The following TESK2 variants were observed in gnomAD, a reference collection of about 807,000 sequenced individuals.
TESK2 encodes the protein dual specificity testis-specific protein kinase 2.
A neutral mutation model predicts 57.1 loss-of-function variants in TESK2; 39 were observed. The observed-to-expected ratio is 0.68, with a 90% CI of 0.53 to 0.89. TESK2 has a LOEUF of 0.89. TESK2 is among the 40% of genes least tolerant of loss of function. The probability of loss-of-function intolerance (pLI) is 0.00; values close to 1 mark genes in which losing one functional copy is unlikely to be tolerated. For missense variants in TESK2, 646 were observed against 732.1 expected, an observed-to-expected ratio of 0.88 and a Z score of 1.36; for synonymous variants, 249 against 267.9, an observed-to-expected ratio of 0.93 and a Z score of 0.69.
At chr1:45,432,546 C>T (rs1270886553) in intron 2 of TESK2, among the ~76,000 whole-genome samples, 1 of 150,666 alleles carries the variant, frequency 6.6e-6, no homozygotes, top group Non-Finnish European at 1.5e-5. Flanking sequence ...AAAAAATTAG[C>T]CGGGCATGGT....
At chr1:45,434,960 T>C (rs1651134570) in intron 2 of TESK2, among the ~76,000 whole-genome samples, 1 of 49,860 alleles carries the variant, frequency 2.0e-5, no homozygotes, top group African/African-American at 5.1e-5. Flanking sequence ...CTTTTCTTTC[T>C]TTTTTTTTTT....
At chr1:45,353,789 G>A (rs1647298675) in intron 5 of TESK2, among the ~76,000 whole-genome samples, 1 of 152,116 alleles carries the variant, frequency 6.6e-6, no homozygotes, top group African/African-American at 2.4e-5. Context: ...TGTCATGATG[G>A]TATCTTAGGC....
At chr1:45,360,631 A>G (rs1647643114) in intron 4 of TESK2, among the ~76,000 whole-genome samples, 1 of 152,198 alleles carries the variant, frequency 6.6e-6, no homozygotes, top group South Asian at 2.1e-4. Context: ...AAACTGGAAA[A>G]AGCGCAAACC....
chr1:45,456,771 G>T (rs1484332066), intron 2 of TESK2, among the ~76,000 whole-genome samples: 1 of 152,094 alleles, frequency 6.6e-6, no homozygotes, highest in Non-Finnish European at 1.5e-5. Flanking sequence ...AGGTATAAAG[G>T]CCAAGTAACT....
chr1:45,423,339 C>T (rs978851558), intron 2 of TESK2, among the ~76,000 whole-genome samples: 1 of 152,168 alleles, frequency 6.6e-6, no homozygotes, highest in Middle Eastern at 3.4e-3. Flanking sequence ...GGACAGATCA[C>T]GAGGTCACAA....
intron 1 of TESK2, among the ~76,000 whole-genome samples, chr1:45,461,326 C>T (rs910721443): frequency 1.3e-5 from 2 of 152,138 alleles, no homozygotes. Context: ...ACACTCCAAC[C>T]TGGGTGACAG....
Position 45,355,319 on chromosome 1 carries a change from C to T in TESK2, c.524G>A (p.Arg175Gln), listed in dbSNP as rs371218684. The T allele has an allele frequency of 5.0e-6, 8 of 1,613,898 alleles. No homozygotes were observed. In the East Asian group the frequency reaches 6.7e-5, roughly 13 times the overall value. Residue 175 changes from arginine (R) to glutamine (Q), a missense_variant, in exon 5 of 11, where the codon CGG (arginine) becomes CAG (glutamine). Arg to Gln is a conservative substitution (Grantham distance 43). Coordinates refer to ENST00000372086, the MANE Select transcript of TESK2 (RefSeq NM_007170.3). ...SYLHFKGIFH[R>Q]DLTSKNCLIK... ...CCTTCATACCTTAGATGTGAGGTCCCGATGAAAAATGCCTTTGAAGTGAAG... is the reference window on the plus strand; with the variant it reads ...CCTTCATACCTTAGATGTGAGGTCCTGATGAAAAATGCCTTTGAAGTGAAG...
At chr1:45,489,765 G>GCACTCCA (rs1653640452) in intron 1 of TESK2, among the ~76,000 whole-genome samples, 1 of 152,202 alleles carries the variant, frequency 6.6e-6, no homozygotes, top group Non-Finnish European at 1.5e-5. Flanking sequence ...ACTCCAGCCT[G>GCACTCCA]GGTGACAGAA....
chr1:45,472,183 C>T (rs1347017939), intron 1 of TESK2, among the ~76,000 whole-genome samples: 5 of 148,548 alleles, frequency 3.4e-5, no homozygotes, highest in African/African-American at 1.0e-4. Context: ...ACCTGGGAGG[C>T]GGAGCTTGCA....
intron 3 of TESK2, among the ~76,000 whole-genome samples, chr1:45,417,455 C>T (rs1039988216): frequency 2.0e-5 from 3 of 152,048 alleles, no homozygotes; most frequent in Non-Finnish European, 4.4e-5. Flanking sequence ...TGGTCTCGAA[C>T]TCCCGACTCA....
intron 3 of TESK2, among the ~76,000 whole-genome samples, chr1:45,408,645 G>A (rs1649933867): frequency 6.6e-6 from 1 of 152,124 alleles, no homozygotes; most frequent in African/African-American, 2.4e-5. Flanking sequence ...TTAAAAAACT[G>A]TCTTCCTTTA....
chr1:45,389,346 G>C (rs1327547582), intron 3 of TESK2, among the ~76,000 whole-genome samples: 1 of 152,144 alleles, frequency 6.6e-6, no homozygotes, highest in East Asian at 1.9e-4. Flanking sequence ...CCAGGAAGTT[G>C]AGGCTGCAGT....
At chr1:45,447,820 C>T (rs1051791650) in intron 2 of TESK2, among the ~76,000 whole-genome samples, 1 of 152,010 alleles carries the variant, frequency 6.6e-6, no homozygotes, top group African/African-American at 2.4e-5. Flanking sequence ...GTCACTAGGC[C>T]ACAGGAATTT....
chr1:45,483,833 A>C (rs1653338932), intron 1 of TESK2, among the ~76,000 whole-genome samples: 1 of 150,346 alleles, frequency 6.7e-6, no homozygotes, highest in Non-Finnish European at 1.5e-5. Flanking sequence ...CCCTGTCTCT[A>C]CAAAAAAAAA....
chr1:45,405,572 G>A (rs547950493), intron 3 of TESK2, among the ~76,000 whole-genome samples: 3 of 151,436 alleles, frequency 2.0e-5, no homozygotes, highest in Admixed American at 6.6e-5. Flanking sequence ...CGGGCAGATC[G>A]CTTGAGCTCA....
intron 3 of TESK2, chr1:45,399,092 T>G (rs1649484001): frequency 2.9e-6 from 1 of 341,746 alleles, no homozygotes; most frequent in Admixed American, 4.0e-5. Flanking sequence ...AACATTGCCT[T>G]GTTCACAGTT....
At chr1:45,429,392 T>C (rs1178023090) in intron 2 of TESK2, among the ~76,000 whole-genome samples, 1 of 151,616 alleles carries the variant, frequency 6.6e-6, no homozygotes, top group Non-Finnish European at 1.5e-5. Flanking sequence ...CGCAACTCCA[T>C]CTAAAAAACA....
intron 5 of TESK2, among the ~76,000 whole-genome samples, chr1:45,352,748 T>G (rs13375343): frequency 0.092 from 14,041 of 151,896 alleles, 1,562 homozygotes; most frequent in African/African-American, 0.27. Flanking sequence ...TGTGTGTGTG[T>G]GGGGGGAGTA....
chr1:45,458,721 ATATAT>A (rs1353180287), intron 1 of TESK2, among the ~76,000 whole-genome samples: 1 of 151,862 alleles, frequency 6.6e-6, no homozygotes, highest in Non-Finnish European at 1.5e-5. Context: ...CTTCAAAATT[ATATAT>A]TATATAATTT....
Sources: allele counts gnomAD v4.1 joint callset (sites outside exome capture counted in the v4.1 genomes callset), GRCh38; gene constraint gnomAD v4.1.1; transcripts MANE v1.5; gene names NCBI Gene and HGNC (gene_info 2026-07-23, HGNC 2026-07-21).